The following BEST3 variants were observed in gnomAD, a reference collection of about 807,000 sequenced individuals.
BEST3 encodes the protein bestrophin 3, also known as bestrophin-3.
A neutral mutation model predicts 47.1 loss-of-function variants in BEST3; 50 were observed. The ratio of observed to expected loss-of-function variants is 1.06; its 90% confidence interval spans 0.85 to 1.34. The LOEUF is 1.34. BEST3 is among the 40% of genes most tolerant of loss of function. BEST3 has a pLI of 0.00. For synonymous variants in BEST3, 282 were observed against 298.8 expected (o/e 0.94, Z 0.58); for missense variants, 765 against 817.0 (o/e 0.94, Z 0.78).
intron 4 of BEST3, among the ~76,000 whole-genome samples, chr12:69,692,231 C>T (rs965045692): frequency 3.3e-5 from 5 of 152,050 alleles, no homozygotes; most frequent in Admixed American, 6.6e-5. Flanking sequence ...AAACAAAATC[C>T]GAAAATATCT....
intron 9 of BEST3, among the ~76,000 whole-genome samples, chr12:69,656,598 TA>T (rs1252410799): frequency 1.3e-5 from 2 of 152,004 alleles, no homozygotes; most frequent in Non-Finnish European, 2.9e-5. Context: ...TCACAATAAT[TA>T]GATGAGTTGG....
intron 9 of BEST3, among the ~76,000 whole-genome samples, chr12:69,644,405 T>C (rs2135889971): frequency 6.6e-6 from 1 of 152,352 alleles, no homozygotes; most frequent in East Asian, 1.9e-4. Context: ...TTGTTTTACT[T>C]GGTCTTTTAG....
At chr12:69,662,029 AT>A (rs890617161) in intron 9 of BEST3, among the ~76,000 whole-genome samples, 12 of 152,196 alleles carry the variant, frequency 7.9e-5, no homozygotes, top group Non-Finnish European at 5.9e-5. Flanking sequence ...GTTATATTCT[AT>A]AGGAATTTTG....
chr12:69,699,240 G>T lies in BEST3; in HGVS notation c.-51C>A. ...GGTTTGTAGTCTCCGACAGGAAAGA[G>T]AATCTTCAAATTTCGGGCTCCCCCG... On this transcript the variant is annotated 5_prime_UTR_variant, in exon 1 of 10. Coordinates refer to ENST00000330891, the MANE Select transcript of BEST3 (RefSeq NM_032735.3). 1.0e-6 allele frequency: 1 copy of T among 985,470 alleles called. No homozygotes were observed. The highest frequency in any genetic ancestry group is 1.2e-6 in the Non-Finnish European group (1 of 829,946). The allele number at this position is 985,470 out of a possible 1,614,324, so 61.0% of individuals were successfully genotyped here.
At chr12:69,671,672 G>A in intron 8 of BEST3, 93 bp from the exon 9 acceptor site, 2 of 1,157,306 alleles carry the variant, frequency 1.7e-6, no homozygotes, top group Non-Finnish European at 1.3e-6. Context: ...GATTGGGCTA[G>A]GACACAGTCT....
Position 69,655,140 on chromosome 12 carries a change from G to C in BEST3, c.1774C>G (p.Leu592Val). Residue 592 changes from leucine (L) to valine (V), a missense_variant, in exon 10 of 10, where the codon CTT becomes GTT. Leu to Val is a conservative substitution (Grantham distance 32). Transcript: ENST00000330891. ...TGGCTGGACCCCAGGAATCCCGGAA[G>C]ACTCCACCTTTTTAGAAAGGTATCA... ...PGDTFLKRWS[L>V]PGFLGSSHTS... 6.2e-7 allele frequency: 1 copy of C among 1,614,144 alleles called. No homozygotes were observed. Among genetic ancestry groups the C allele is most frequent in the Non-Finnish European group, 8.5e-7 (1 of 1,180,020 alleles).
At chr12:69,649,207 A>G (rs986597036), downstream of BEST3, among the ~76,000 whole-genome samples, 1 of 152,190 alleles carries the variant, frequency 6.6e-6, no homozygotes, top group African/African-American at 2.4e-5. Flanking sequence ...CATGTTAGCC[A>G]GGCTAGTCTC....
At position 69,655,206 on chromosome 12, in the gene BEST3, T is replaced by A; in HGVS notation, c.1708A>T (p.Ser570Cys). Residue 570 changes from serine to cysteine, a missense_variant, in exon 10 of 10, where the codon AGC (serine) becomes TGC (cysteine). By Grantham distance (112) the Ser-to-Cys change is moderately radical (BLOSUM62 -1). Coordinates refer to ENST00000330891, the MANE Select transcript of BEST3 (RefSeq NM_032735.3). ...CAGTTGAATATATTTTCCTCAGCGC[T>A]GGCTGAAACTGTCTGGGGACTGGGG... ...GGPSPQTVSA[S>C]AEENIFNCEE... The A allele has an allele frequency of 6.2e-7, 1 of 1,613,844 alleles. No individual in the cohort carries two copies. Among genetic ancestry groups the A allele is most frequent in the Non-Finnish European group, 8.5e-7 (1 of 1,179,734 alleles).
At chr12:69,664,478 G>C (rs113241954) in intron 9 of BEST3, among the ~76,000 whole-genome samples, 5,904 of 152,074 alleles carry the variant, frequency 0.039, 177 homozygotes, top group African/African-American at 0.075. Flanking sequence ...ACCTTGCTCT[G>C]TCATCCCCCC....
At chr12:69,644,054 T>C (rs1415234022) in intron 9 of BEST3, among the ~76,000 whole-genome samples, 1 of 152,158 alleles carries the variant, frequency 6.6e-6, no homozygotes, top group East Asian at 1.9e-4. Context: ...TCCCATATCA[T>C]ACCCAAGAGT....
intron 4 of BEST3, chr12:69,684,550 G>A: frequency 1.5e-6 from 1 of 673,580 alleles, no homozygotes; most frequent in Non-Finnish European, 2.8e-6. Context: ...ATTAGCAGAG[G>A]AACTAAAAGC....
chr12:69,654,121 G>A lies in BEST3; in HGVS notation c.*786C>T. The A allele has an allele frequency of 1.0e-6, 1 of 985,388 alleles. No individual in the cohort carries two copies. The highest frequency in any genetic ancestry group is 1.2e-6 in the Non-Finnish European group (1 of 829,926). 61.0% of individuals were successfully genotyped at this position (985,388 alleles called of 1,614,324 possible). The stretch of plus-strand genomic sequence containing the variant: ...GGCTGGATTTGTTGACACCTTTGAT[G>A]ATTCTGTAGGAGGCTTTGCCAATGT... On this transcript the variant is annotated 3_prime_UTR_variant, in exon 10 of 10. Coordinates refer to ENST00000330891, the MANE Select transcript of BEST3 (RefSeq NM_032735.3).
intron 9 of BEST3, among the ~76,000 whole-genome samples, chr12:69,667,064 A>C (rs1473124991): frequency 1.3e-5 from 2 of 152,186 alleles, no homozygotes; most frequent in Non-Finnish European, 2.9e-5. Flanking sequence ...CCTGTCACTT[A>C]ATAGCTTTGA....
intron 1 of BEST3, 134 bp from the exon 2 acceptor site, chr12:69,697,947 C>T (rs1413993659): frequency 8.9e-6 from 6 of 672,782 alleles, no homozygotes; most frequent in Non-Finnish European, 1.4e-5. Flanking sequence ...TTCTTAGTTT[C>T]TATAATTCGG....
Position 69,655,666 on chromosome 12 carries a change from C to A in BEST3, c.1248G>T (p.Gln416His). 1 of 1,614,016 alleles carries A rather than the reference C, an allele frequency of 6.2e-7. No individual in the cohort carries two copies. The highest frequency in any genetic ancestry group is 2.2e-5 in the East Asian group (1 of 44,864). Residue 416 changes from glutamine (Q) to histidine (H), a missense_variant, in exon 10 of 10, where the codon CAG becomes CAT. Physicochemically the swap from Gln to His is conservative, Grantham distance 24. Coordinates refer to ENST00000330891, the MANE Select transcript of BEST3 (RefSeq NM_032735.3). ...GTAAGAACATGGAGCTGTCACTTGT[C>A]TGCCTCCTGTAGCTTCTTCTTCTGG... ...SSPRRRSYRR[Q>H]TSDSSMFLPR...
chr12:69,663,604 G>C (rs1884000287), intron 9 of BEST3, among the ~76,000 whole-genome samples: 1 of 152,172 alleles, frequency 6.6e-6, no homozygotes, highest in Non-Finnish European at 1.5e-5. Flanking sequence ...CTTGGTGGGA[G>C]GATCTCTTGA....
At chr12:69,684,480 T>C (rs1885439602) in intron 4 of BEST3, 1 of 561,722 alleles carries the variant, frequency 1.8e-6, no homozygotes, top group Non-Finnish European at 3.4e-6. Context: ...CTATTTTTCC[T>C]TGATTGAAGT....
At position 69,654,145 on chromosome 12, in the gene BEST3, G is replaced by A. The variant is rs1197113159; in HGVS notation, c.*762C>T. 2.0e-6 allele frequency: 2 copies of A among 985,172 alleles called. No individual in the cohort carries two copies. The highest frequency in any genetic ancestry group is 2.3e-4 in the East Asian group (2 of 8,822). The allele number at this position is 985,172 out of a possible 1,614,324, so 61.0% of individuals were successfully genotyped here. A position where few individuals can be genotyped will look rare whatever the true frequency, so the allele number is the denominator to read the frequency against. On this transcript the variant is annotated 3_prime_UTR_variant, in exon 10 of 10. Coordinates refer to ENST00000330891, the MANE Select transcript of BEST3 (RefSeq NM_032735.3). ...TGATTCTGTAGGAGGCTTTGCCAAT[G>A]TCTTATATTTTGAAATTCATGGCAA... is the stretch of plus-strand genomic sequence containing the variant.
intron 9 of BEST3, among the ~76,000 whole-genome samples, chr12:69,658,879 C>G (rs1883687747): frequency 6.6e-6 from 1 of 152,078 alleles, no homozygotes; most frequent in Admixed American, 6.5e-5. Context: ...GAGTCGTATA[C>G]CAGGTTGTGG....
Sources: allele counts gnomAD v4.1 joint callset (sites outside exome capture counted in the v4.1 genomes callset), GRCh38; gene constraint gnomAD v4.1.1; transcripts MANE v1.5; gene names NCBI Gene and HGNC (gene_info 2026-07-23, HGNC 2026-07-21).